The following HSF2 variants were observed in gnomAD, a reference collection of about 807,000 sequenced individuals.
HSF2 encodes heat shock factor protein 2.
HSF2 carries 21 observed loss-of-function variants against 65.0 expected under a neutral mutation model. The observed-to-expected ratio is 0.32, with a 90% confidence interval of 0.23 to 0.47. The LOEUF is 0.47. HSF2 is among the 20% of genes least tolerant of loss of function. HSF2 has a pLI of 1.00. For missense variants in HSF2, 499 were observed against 628.1 expected, an observed-to-expected ratio of 0.79 and a Z score of 2.20; for synonymous variants, 225 against 219.1, an observed-to-expected ratio of 1.03 and a Z score of -0.24.
intron 10 of HSF2, among the ~76,000 whole-genome samples, chr6:122,425,267 A>G (rs928430920): frequency 6.6e-6 from 1 of 151,940 alleles, no homozygotes; most frequent in African/African-American, 2.4e-5. Flanking sequence ...GAAGCTTTGT[A>G]TTGTGTTGCT....
intron 10 of HSF2, among the ~76,000 whole-genome samples, chr6:122,426,841 T>C (rs1239486779): frequency 6.6e-6 from 1 of 152,030 alleles, no homozygotes; most frequent in African/African-American, 2.4e-5. Flanking sequence ...AAGGCTCTTA[T>C]TGCTGACAGG....
At chr6:122,405,529 T>A (rs1369385511) in intron 1 of HSF2, among the ~76,000 whole-genome samples, 1 of 152,158 alleles carries the variant, frequency 6.6e-6, no homozygotes, top group African/African-American at 2.4e-5. Flanking sequence ...AGAACCTTTT[T>A]TGCCAAGGCT....
chr6:122,405,256 TAA>T (rs367766925), intron 1 of HSF2, among the ~76,000 whole-genome samples: 60 of 123,628 alleles, frequency 4.9e-4, no homozygotes, highest in Admixed American at 1.4e-3. Flanking sequence ...CCCTGTCTCT[TAA>T]AAAAAAAAAA....
At chr6:122,431,405 T>TTA (rs2243363) in intron 11 of HSF2, 25 bp from the exon 12 acceptor site, 550,038 of 1,045,796 alleles carry the variant, frequency 0.53, 147,155 homozygotes, top group South Asian at 0.66. Flanking sequence ...AAACAAGTAC[T>TTA]TATATATATA....
chr6:122,400,656 A>T (rs1773707662), intron 1 of HSF2, among the ~76,000 whole-genome samples: 1 of 152,190 alleles, frequency 6.6e-6, no homozygotes, highest in African/African-American at 2.4e-5. Context: ...CTTTCATAAG[A>T]TGGATGGGTT....
chr6:122,428,119 T>C (rs1172912804), intron 11 of HSF2, among the ~76,000 whole-genome samples, 163 bp downstream of exon 11: 7 of 152,034 alleles, frequency 4.6e-5, no homozygotes, highest in African/African-American at 1.7e-4. Context: ...AATTAGCTTT[T>C]GGTTATGTGG....
chr6:122,404,147 C>T (rs1773808411), intron 1 of HSF2, among the ~76,000 whole-genome samples: 1 of 152,148 alleles, frequency 6.6e-6, no homozygotes, highest in African/African-American at 2.4e-5. Flanking sequence ...TCTCTATCCC[C>T]CTCATGTCAG....
intron 5 of HSF2, among the ~76,000 whole-genome samples, chr6:122,417,891 T>A (rs1006097070): frequency 6.6e-6 from 1 of 152,212 alleles, no homozygotes; most frequent in East Asian, 1.9e-4. Context: ...GCTGTTAACA[T>A]TTTCTCTTGA....
rs554518623 is a variant in HSF2, at chr6:122,424,614, G to T, written c.1176+928G>T. 1.7e-3 allele frequency among the ~76,000 whole-genome samples: 258 copies of T among 152,044 alleles called. 1 individual carries two copies. Among genetic ancestry groups the T allele is most frequent in the Non-Finnish European group, 2.9e-3 (198 of 67,982 alleles). The stretch of plus-strand genomic sequence containing the variant: ...TAAATTGTTAGCACCTCACAGAGGG[G>T]ATTTTACTTTCTTTGAAGATTTCTT... On this transcript the variant is annotated intron_variant, in intron 10 of 12. Coordinates refer to ENST00000368455, the MANE Select transcript of HSF2 (RefSeq NM_004506.4).
chr6:122,401,640 A>G (rs896159476), intron 1 of HSF2, among the ~76,000 whole-genome samples: 1 of 152,212 alleles, frequency 6.6e-6, no homozygotes, highest in African/African-American at 2.4e-5. Flanking sequence ...CCCATTATTA[A>G]CTTTAAGCTT....
chr6:122,412,211 G>T (rs1391486778), intron 1 of HSF2, among the ~76,000 whole-genome samples, 162 bp from the exon 2 acceptor site: 1 of 151,944 alleles, frequency 6.6e-6, no homozygotes, highest in African/African-American at 2.4e-5. Flanking sequence ...TTGCTTAATT[G>T]CAATTTTGTT....
chr6:122,416,316 A>C lies in HSF2; in HGVS notation c.531+20A>C. ...CGAAAGGTAAGAAGCTCTTTTCCCCAGGACCATAATTTGCATTTGTTTAAT... is the reference window on the plus strand; with the variant it reads ...CGAAAGGTAAGAAGCTCTTTTCCCCCGGACCATAATTTGCATTTGTTTAAT... On this transcript the variant is annotated intron_variant, in intron 5 of 12. Coordinates refer to ENST00000368455, the MANE Select transcript of HSF2 (RefSeq NM_004506.4). 1 of 1,574,942 alleles carries C rather than the reference A, an allele frequency of 6.3e-7. No homozygotes were observed. The highest frequency in any genetic ancestry group is 8.7e-7 in the Non-Finnish European group (1 of 1,145,162).
intron 10 of HSF2, among the ~76,000 whole-genome samples, chr6:122,424,687 A>G (rs1321509940): frequency 6.6e-6 from 1 of 152,028 alleles, no homozygotes; most frequent in Non-Finnish European, 1.5e-5. Flanking sequence ...GTTAATTTGA[A>G]TTTTGTATCC....
Position 122,399,668 on chromosome 6 carries a change from T to TTCCGTAGCTGCC in HSF2, c.-70_-69insTCCGTAGCTGCC. On this transcript the variant is annotated 5_prime_UTR_variant, in exon 1 of 13. Coordinates refer to ENST00000368455, the MANE Select transcript of HSF2 (RefSeq NM_004506.4). Reference sequence around the variant, plus strand: ...GTTGTGGGCGTTCTCGGGGAGCTGCTGCCGTAGCTGCCGCCGCCGCTACCA... The same window carrying TTCCGTAGCTGCC: ...GTTGTGGGCGTTCTCGGGGAGCTGCTTCCGTAGCTGCCGCCGTAGCTGCCGCCGCCGCTACCA... The TTCCGTAGCTGCC allele has an allele frequency of 8.1e-6, 10 of 1,238,818 alleles. No homozygotes were observed. The highest frequency in any genetic ancestry group is 1.2e-5 in the Non-Finnish European group (10 of 854,962). The allele number at this position is 1,238,818 out of a possible 1,614,324, so 76.7% of individuals were successfully genotyped here.
At chr6:122,425,253 G>T (rs890823252) in intron 10 of HSF2, among the ~76,000 whole-genome samples, 3 of 151,794 alleles carry the variant, frequency 2.0e-5, no homozygotes, top group Non-Finnish European at 2.9e-5. Context: ...ACTCTATTTT[G>T]TCTGAAGCTT....
rs1035079665 is a variant in HSF2 at position 122,432,572 on chromosome 6, C to A, written c.*352C>A. ...TTTCCTGTTTGATGCTGTCTATTTG[C>A]ATTGAGTGTAAGTCATTTGAACTAA... On this transcript the variant is annotated 3_prime_UTR_variant, in exon 13 of 13. Transcript: ENST00000368455. 1.5e-5 allele frequency: 3 copies of A among 206,078 alleles called. No homozygotes were observed. Among genetic ancestry groups the A allele is most frequent in the Non-Finnish European group, 3.0e-5 (3 of 101,230 alleles). The allele number at this position is 206,078 out of a possible 1,614,324, so 12.8% of individuals were successfully genotyped here.
intron 12 of HSF2, 67 bp downstream of exon 12, chr6:122,431,581 C>T (rs1318430643): frequency 1.2e-5 from 10 of 843,450 alleles, no homozygotes; most frequent in African/African-American, 3.5e-5. Flanking sequence ...AAGTGCAAGC[C>T]GAGGGTAGTC....
rs896785800 is a variant in HSF2, at chr6:122,416,272, A to G, written c.507A>G (p.Ala169=). ...TGTCAGAATTACGAGCAAAGCATGC[A>G]CAACAGCAACAAGTTATTCGAAAGG... ...KEVSELRAKH[A]QQQQVIRKIV... is the part of the protein sequence containing the mutation. The change falls in exon 5 of 13, where the codon GCA becomes GCG. Residue 169 remains alanine (A), a synonymous_variant. Coordinates refer to ENST00000368455, the MANE Select transcript of HSF2 (RefSeq NM_004506.4). 2.5e-6 allele frequency: 4 copies of G among 1,611,386 alleles called. No homozygotes were observed. Among genetic ancestry groups the G allele is most frequent in the Non-Finnish European group, 3.4e-6 (4 of 1,177,646 alleles).
chr6:122,409,931 C>T (rs1007184236), intron 1 of HSF2, among the ~76,000 whole-genome samples: 8 of 151,906 alleles, frequency 5.3e-5, no homozygotes, highest in Admixed American at 4.6e-4. Context: ...ATTATCCCCC[C>T]ATTTGAATGC....
Sources: allele counts gnomAD v4.1 joint callset (sites outside exome capture counted in the v4.1 genomes callset), GRCh38; gene constraint gnomAD v4.1.1; transcripts MANE v1.5; gene names NCBI Gene and HGNC (gene_info 2026-07-23, HGNC 2026-07-21).